Variants in SP4 observed in about 807,000 individuals in gnomAD.
The protein encoded by SP4 is transcription factor Sp4.
A neutral mutation model predicts 72.8 loss-of-function variants in SP4; 19 were observed. The ratio of observed to expected loss-of-function variants is 0.26; its 90% CI spans 0.18 to 0.38. SP4 has a LOEUF of 0.38. Ranked by LOEUF, SP4 falls within the 10% of genes least tolerant of loss-of-function variation. SP4 has a pLI of 1.00. For synonymous variants in SP4, 395 were observed against 333.1 expected (o/e 1.19, Z -2.02); for missense variants, 1,008 against 926.3 (o/e 1.09, Z -1.14).
At chr7:21,469,497 G>A (rs1267869935) in intron 3 of SP4, among the ~76,000 whole-genome samples, 1 of 151,732 alleles carries the variant, frequency 6.6e-6, no homozygotes, top group Non-Finnish European at 1.5e-5. Flanking sequence ...AGGTAGAAAG[G>A]GAGAAATCTT....
At chr7:21,484,855 A>T (rs1784771656) in intron 5 of SP4, among the ~76,000 whole-genome samples, 1 of 151,914 alleles carries the variant, frequency 6.6e-6, no homozygotes, top group African/African-American at 2.4e-5. Context: ...AAACAAATTT[A>T]TTTAAGAATT....
At chr7:21,455,040 A>T (rs373942251) in intron 3 of SP4, among the ~76,000 whole-genome samples, 3 of 152,166 alleles carry the variant, frequency 2.0e-5, no homozygotes, top group East Asian at 3.9e-4. Flanking sequence ...TGTACTGTTG[A>T]TGGCAACAAT....
intron 4 of SP4, 103 bp downstream of exon 4, chr7:21,477,410 T>C (rs768566311): frequency 8.5e-6 from 6 of 707,480 alleles, no homozygotes; most frequent in Middle Eastern, 2.4e-4. Context: ...TTCATTACCT[T>C]TGTAGCCTAG....
chr7:21,477,353 C>T (rs776749088), intron 4 of SP4, 46 bp downstream of exon 4: 2 of 1,322,368 alleles, frequency 1.5e-6, no homozygotes, highest in Non-Finnish European at 2.2e-6. Flanking sequence ...AGGCATAAAA[C>T]AGCAGTTAAA....
chr7:21,491,717 G>T (rs1583439888), intron 5 of SP4, among the ~76,000 whole-genome samples: 1 of 152,150 alleles, frequency 6.6e-6, no homozygotes, highest in South Asian at 2.1e-4. Flanking sequence ...AGAAACTATG[G>T]AGGACAGAGA....
At chr7:21,458,792 C>T (rs556127503) in intron 3 of SP4, among the ~76,000 whole-genome samples, 2 of 152,106 alleles carry the variant, frequency 1.3e-5, no homozygotes, top group African/African-American at 4.8e-5. Flanking sequence ...CGCTCCCCTC[C>T]CCCCACACAC....
At position 21,496,425 on chromosome 7, in the gene SP4, T is replaced by G. The variant is rs565210731; in HGVS notation, c.2107+14302T>G. On this transcript the variant is annotated intron_variant, in intron 5 of 5. Coordinates refer to ENST00000222584, the MANE Select transcript of SP4 (RefSeq NM_003112.5). ...ACACTTCTGTTAACTCTGCCAAGGATAATAGGATTTAGAGCCAAAGGGACT... is the reference window on the plus strand; with the variant it reads ...ACACTTCTGTTAACTCTGCCAAGGAGAATAGGATTTAGAGCCAAAGGGACT... 1.9e-4 allele frequency among the ~76,000 whole-genome samples: 29 copies of G among 152,184 alleles called. 1 individual carries two copies. Among genetic ancestry groups the G allele is most frequent in the Admixed American group, 1.3e-3 (20 of 15,276 alleles).
intron 3 of SP4, among the ~76,000 whole-genome samples, chr7:21,471,663 A>G (rs62439712): frequency 0.13 from 19,744 of 151,944 alleles, 1,506 homozygotes; most frequent in Middle Eastern, 0.34. Context: ...GTGAGACATA[A>G]TCTCTAAAAG....
chr7:21,501,800 C>T (rs1781868180), intron 5 of SP4, among the ~76,000 whole-genome samples: 2 of 152,238 alleles, frequency 1.3e-5, no homozygotes, highest in South Asian at 2.1e-4. Context: ...CAGCATAACA[C>T]ATACGCCCCC....
rs375851622 is a variant in SP4, at chr7:21,429,584, C to T, written c.419C>T (p.Thr140Ile). The T allele has an allele frequency of 1.9e-6, 3 of 1,614,086 alleles. No individual in the cohort carries two copies. The highest frequency in any genetic ancestry group is 2.5e-6 in the Non-Finnish European group (3 of 1,180,024). ...AACGGGAGTGCATCTCCTACAAAAA[C>T]TAAATCAGGTAATTCTTCCACCCCT... ...SNNGSASPTK[T>I]KSGNSSTPGQ... Residue 140 changes from threonine to isoleucine, a missense_variant, in exon 3 of 6, where the codon ACT (threonine) becomes ATT (isoleucine). Thr to Ile is a moderately conservative substitution (Grantham distance 89). Transcript: ENST00000222584.
chr7:21,439,717 G>C (rs935419165), intron 3 of SP4, among the ~76,000 whole-genome samples: 1 of 151,974 alleles, frequency 6.6e-6, no homozygotes, highest in Non-Finnish European at 1.5e-5. Context: ...TAGTGAGACT[G>C]TACCTCTACG....
Position 21,511,464 on chromosome 7 carries a change from G to T in SP4, c.*195G>T. ...AATACAAAAAGCAGACTGATGTACT[G>T]GAAACAGAAAAGTATTTCCTCCATA... On this transcript the variant is annotated 3_prime_UTR_variant, in exon 6 of 6. Transcript: ENST00000222584. 2 of 553,968 alleles carry T rather than the reference G, an allele frequency of 3.6e-6. No individual in the cohort carries two copies. The highest frequency in any genetic ancestry group is 6.4e-6 in the Non-Finnish European group (2 of 313,638). The allele number at this position is 553,968 out of a possible 1,614,324, so 34.3% of individuals were successfully genotyped here.
intron 3 of SP4, among the ~76,000 whole-genome samples, chr7:21,441,689 G>A (rs561958177): frequency 6.6e-6 from 1 of 152,298 alleles, no homozygotes; most frequent in East Asian, 1.9e-4. Flanking sequence ...TGAATTCACA[G>A]TGGTCCCTAG....
rs1053653832 is a variant in SP4, at chr7:21,430,113, A to G, written c.948A>G (p.Glu316=). ...NTTTSASTMP[E]SPSSSTTCTT... Reference sequence around the variant, plus strand: ...CTACTTCTGCCAGTACTATGCCAGAATCTCCCTCCTCCTCCACTACCTGCA... The same window carrying G: ...CTACTTCTGCCAGTACTATGCCAGAGTCTCCCTCCTCCTCCACTACCTGCA... Residue 316 remains glutamate, a synonymous_variant, in exon 3 of 6, where the codon GAA becomes GAG. Transcript: ENST00000222584. 2 of 1,614,112 alleles carry G rather than the reference A, an allele frequency of 1.2e-6. No individual in the cohort carries two copies. The highest frequency in any genetic ancestry group is 2.7e-5 in the African/African-American group (2 of 74,988).
Position 21,482,002 on chromosome 7 carries a change from T to G in SP4, c.1986T>G (p.Ser662=). ...GTGGTAAAGTTTATGGCAAAACATCTCATTTACGAGCACATCTTCGCTGGC... is the reference window on the plus strand; with the variant it reads ...GTGGTAAAGTTTATGGCAAAACATCGCATTTACGAGCACATCTTCGCTGGC... ...EGCGKVYGKT[S]HLRAHLRWHT... Residue 662 remains serine, a synonymous_variant, in exon 5 of 6, where the codon TCT becomes TCG. Transcript: ENST00000222584. The G allele has an allele frequency of 6.2e-7, 1 of 1,613,892 alleles. No individual in the cohort carries two copies. Among genetic ancestry groups the G allele is most frequent in the Non-Finnish European group, 8.5e-7 (1 of 1,179,784 alleles).
intron 3 of SP4, among the ~76,000 whole-genome samples, chr7:21,434,082 G>C (rs1207916516): frequency 6.6e-6 from 1 of 152,126 alleles, no homozygotes; most frequent in Non-Finnish European, 1.5e-5. Flanking sequence ...CTTTTACTTT[G>C]TGTCCCCATT....
chr7:21,476,188 T>A (rs904653330), intron 3 of SP4, among the ~76,000 whole-genome samples: 1 of 147,748 alleles, frequency 6.8e-6, no homozygotes, highest in Admixed American at 6.9e-5. Flanking sequence ...GAAGAAGAAT[T>A]GCTTGAACCC....
intron 5 of SP4, among the ~76,000 whole-genome samples, chr7:21,490,898 T>C (rs1000920318): frequency 2.0e-5 from 3 of 152,242 alleles, no homozygotes; most frequent in Non-Finnish European, 2.9e-5. Flanking sequence ...GATGGAACTT[T>C]TAGTCTGAAC....
At chr7:21,479,740 T>C (rs1784622661) in intron 4 of SP4, among the ~76,000 whole-genome samples, 1 of 152,218 alleles carries the variant, frequency 6.6e-6, no homozygotes, top group Non-Finnish European at 1.5e-5. Flanking sequence ...CTTAACAATA[T>C]TACATCTTTT....
Sources: allele counts gnomAD v4.1 joint callset (sites outside exome capture counted in the v4.1 genomes callset), GRCh38; gene constraint gnomAD v4.1.1; transcripts MANE v1.5; gene names NCBI Gene and HGNC (gene_info 2026-07-23, HGNC 2026-07-21).